The following DENND4A variants were observed in gnomAD, a reference collection of about 807,000 sequenced individuals.
DENND4A encodes the protein DENN domain containing 4A, also known as C-myc promoter-binding protein.
A neutral mutation model predicts 199.3 loss-of-function variants in DENND4A; 70 were observed. The ratio of observed to expected loss-of-function variants is 0.35; its 90% CI spans 0.29 to 0.43. The LOEUF (loss-of-function observed/expected upper bound fraction) is 0.43. DENND4A is among the 20% of genes least tolerant of loss of function. The pLI, the probability that DENND4A is intolerant of heterozygous loss-of-function variation, is 1.00. For synonymous variants in DENND4A, 686 were observed against 766.9 expected, an observed-to-expected ratio of 0.89 and a Z score of 1.74; for missense variants, 1,723 against 2,255.8, an observed-to-expected ratio of 0.76 and a Z score of 4.78.
intron 23 of DENND4A, chr15:65,680,820 A>G (rs2076547640): frequency 6.6e-6 from 1 of 152,218 alleles, no homozygotes; most frequent in African/African-American, 2.4e-5. Context: ...TCTACTGTAC[A>G]ACAGCATTAT....
At position 65,702,440 on chromosome 15, in the gene DENND4A, C is replaced by A. The variant is rs1227111575; in HGVS notation, c.2295G>T (p.Leu765=). ...SIPQMWSRCL[L]RHCYGLWFIC... The stretch of plus-strand genomic sequence containing the variant: ...TAAACCACAGTCCATAACAGTGGCG[C>A]AGTAGACACCTAGACCACATCTGAG... The change falls in exon 17 of 33, where the codon CTG becomes CTT. Residue 765 remains leucine, a synonymous_variant. Coordinates refer to ENST00000443035, the MANE Select transcript of DENND4A (RefSeq NM_001320835.1). 6.3e-7 allele frequency: 1 copy of A among 1,595,496 alleles called. No homozygotes were observed. Among genetic ancestry groups the A allele is most frequent in the Middle Eastern group, 1.7e-4 (1 of 6,048 alleles).
intron 14 of DENND4A, 24 bp from the exon 15 acceptor site, chr15:65,706,248 A>C (rs1336779722): frequency 6.8e-7 from 1 of 1,467,202 alleles, no homozygotes; most frequent in African/African-American, 1.4e-5. Context: ...AAAAACATAT[A>C]TTAAAAAAGC....
intron 14 of DENND4A, among the ~76,000 whole-genome samples, chr15:65,706,562 T>C (rs1364918959): frequency 1.3e-5 from 2 of 151,918 alleles, no homozygotes; most frequent in East Asian, 3.9e-4. Context: ...AGTGGCACGA[T>C]CTCAGCTCAC....
Position 65,691,292 on chromosome 15 carries a change from A to G in DENND4A, c.3302T>C (p.Val1101Ala), listed in dbSNP as rs2076960890. Residue 1101 changes from valine (V) to alanine (A), a missense_variant, in exon 23 of 33, where the codon GTT becomes GCT. Coordinates refer to ENST00000443035, the MANE Select transcript of DENND4A (RefSeq NM_001320835.1). ...INQEATPGDI[V>A]EKLGADAKIL... is the part of the protein sequence containing the mutation. ...TTTTGCATCAGCTCCCAATTTTTCA[A>G]CTATATCTCCAGGGGTTGCTTCCTG... 1 of 1,613,146 alleles carries G rather than the reference A, an allele frequency of 6.2e-7. No individual in the cohort carries two copies. Among genetic ancestry groups the G allele is most frequent in the African/African-American group, 1.3e-5 (1 of 74,852 alleles).
intron 6 of DENND4A, 81 bp from the exon 7 acceptor site, chr15:65,738,026 T>C (rs60590903): frequency 0.067 from 93,219 of 1,394,444 alleles, 3,384 homozygotes; most frequent in African/African-American, 0.092. Flanking sequence ...ATTTAATAAA[T>C]GCTTGCTATG....
chr15:65,717,933 G>C lies in DENND4A; in HGVS notation c.1652C>G (p.Ser551Cys). Residue 551 changes from serine (S) to cysteine (C), a missense_variant, in exon 13 of 33, where the codon TCT (serine) becomes TGT (cysteine). This residue lies in a region of DENND4A where 725 missense variants were observed against 952.9 expected (regional missense o/e 0.76). Transcript: ENST00000443035. ...DLAINDYDFNSGKRLHMIDLE... is the reference protein window; with the variant it reads ...DLAINDYDFNCGKRLHMIDLE... Reference sequence around the variant, plus strand: ...ATCTATCATGTGCAACCTCTTTCCAGAATTAAAATCATAGTCATTTATTGC... The same window carrying C: ...ATCTATCATGTGCAACCTCTTTCCACAATTAAAATCATAGTCATTTATTGC... 6.2e-7 allele frequency: 1 copy of C among 1,609,642 alleles called. No individual in the cohort carries two copies. The highest frequency in any genetic ancestry group is 8.5e-7 in the Non-Finnish European group (1 of 1,177,756).
At chr15:65,753,752 CATCA>C (rs1204579697) in intron 3 of DENND4A, 2 of 151,752 alleles carry the variant, frequency 1.3e-5, no homozygotes, top group Non-Finnish European at 2.9e-5. Context: ...ATGTCTTCAT[CATCA>C]ATCAATATTT....
Position 65,664,379 on chromosome 15 carries a change from T to A in DENND4A, c.5538A>T (p.Glu1846Asp), listed in dbSNP as rs997514130. 6.2e-7 allele frequency: 1 copy of A among 1,603,400 alleles called. No homozygotes were observed. Among genetic ancestry groups the A allele is most frequent in the Non-Finnish European group, 8.5e-7 (1 of 1,173,748 alleles). Residue 1846 changes from glutamate (E) to aspartate (D), a missense_variant, in exon 32 of 33, where the codon GAA becomes GAT. Glu to Asp is a conservative substitution (Grantham distance 45). Transcript: ENST00000443035. ...HFKRQRSLYR[E>D]ILFLSLVALG... is the part of the protein sequence containing the mutation. ...GTGCCACAAGTGAGAGAAATAGTAT[T>A]TCTCTGTATAAACTCCTAGGGAGAA... is the stretch of plus-strand genomic sequence containing the variant.
intron 1 of DENND4A, among the ~76,000 whole-genome samples, chr15:65,777,425 T>C (rs1393942791): frequency 6.6e-6 from 1 of 151,848 alleles, no homozygotes; most frequent in African/African-American, 2.4e-5. Context: ...CGATCTCAGC[T>C]CACTGCAACC....
chr15:65,699,617 CAT>C lies in DENND4A; in HGVS notation c.2833+925_2833+926del, dbSNP rs372743512. ...CATATGTGTATATGTATTATACACA[CAT>C]GTTATACATATACTACTACACATAC... On this transcript the variant is annotated intron_variant, in intron 20 of 32. Transcript: ENST00000443035. Among the ~76,000 whole-genome samples the C allele has an allele frequency of 2.2e-3, 322 of 148,714 alleles. 1 individual carries two copies. Among genetic ancestry groups the C allele is most frequent in the East Asian group, 7.2e-3 (37 of 5,134 alleles).
chr15:65,711,757 T>C (rs1314999011), intron 14 of DENND4A, among the ~76,000 whole-genome samples: 1 of 152,202 alleles, frequency 6.6e-6, no homozygotes, highest in African/African-American at 2.4e-5. Context: ...TCAATAAATT[T>C]GATTTTTAAA....
chr15:65,677,472 G>A (rs924271395), intron 23 of DENND4A, among the ~76,000 whole-genome samples: 1 of 151,892 alleles, frequency 6.6e-6, no homozygotes, highest in Admixed American at 6.6e-5. Context: ...GCCTCCCAAA[G>A]TGCTGGAATT....
In DENND4A at chr15:65,660,076, T is replaced by C; in HGVS notation, c.*1775A>G. The C allele has an allele frequency of 2.1e-6, 1 of 486,816 alleles. No homozygotes were observed. The allele number at this position is 486,816 out of a possible 1,614,324, so 30.2% of individuals were successfully genotyped here. On this transcript the variant is annotated 3_prime_UTR_variant, in exon 33 of 33. Coordinates refer to ENST00000443035, the MANE Select transcript of DENND4A (RefSeq NM_001320835.1). ...CCCCCCTCTGAAATGTTTCTCTCAG[T>C]TGACAACTTTCAAATGATTTAAAGA...
intron 24 of DENND4A, among the ~76,000 whole-genome samples, chr15:65,673,557 A>C (rs1320984795): frequency 6.6e-6 from 1 of 151,760 alleles, no homozygotes; most frequent in Non-Finnish European, 1.5e-5. Flanking sequence ...AACATGTTAA[A>C]CACCACCACC....
At chr15:65,736,430 ATT>A (rs71139429) in intron 7 of DENND4A, among the ~76,000 whole-genome samples, 7 of 137,954 alleles carry the variant, frequency 5.1e-5, no homozygotes, top group South Asian at 2.3e-4. Flanking sequence ...TGGCTTTTGT[ATT>A]TTTTTTTTTT....
At chr15:65,765,397 A>T (rs1302064596) in intron 1 of DENND4A, among the ~76,000 whole-genome samples, 4 of 152,334 alleles carry the variant, frequency 2.6e-5, no homozygotes, top group East Asian at 3.9e-4. Flanking sequence ...TTTAACACAG[A>T]CTTCTTTAAA....
chr15:65,697,270 A>G lies in DENND4A; in HGVS notation c.2947T>C (p.Ser983Pro). 2.6e-6 allele frequency: 4 copies of G among 1,549,152 alleles called. No individual in the cohort carries two copies. The highest frequency in any genetic ancestry group is 3.5e-6 in the Non-Finnish European group (4 of 1,128,126). Residue 983 changes from serine to proline, a missense_variant, in exon 21 of 33, where the codon TCC becomes CCC. This residue lies in a region of DENND4A where 650 missense variants were observed against 738.1 expected (regional missense o/e 0.88). Transcript: ENST00000443035. Reference protein sequence around the residue: ...EKDKKGSDCSSLSESESTKGS... With the variant: ...EKDKKGSDCSPLSESESTKGS... The stretch of plus-strand genomic sequence containing the variant: ...TATCAACTTAAACAATACCTACAGG[A>G]ACTACAATCACTCCCTTTTTTATCT...
chr15:65,728,717 G>A (rs1472190663), intron 11 of DENND4A, among the ~76,000 whole-genome samples: 4 of 151,994 alleles, frequency 2.6e-5, no homozygotes, highest in Admixed American at 2.6e-4. Context: ...TCAAACTCCT[G>A]ACCTCAGGTG....
At chr15:65,751,325 T>G (rs2076555779) in intron 4 of DENND4A, among the ~76,000 whole-genome samples, 1 of 152,218 alleles carries the variant, frequency 6.6e-6, no homozygotes, top group South Asian at 2.1e-4. Flanking sequence ...ACTAGAAGAA[T>G]GGAATTTCCA....
Sources: gnomAD v4.1 joint callset for allele counts (sites outside exome capture counted in the v4.1 genomes callset) on GRCh38, gnomAD v4.1.1 for gene constraint, gnomAD v4.1.1 regional missense constraint, MANE v1.5 for transcripts, NCBI Gene and HGNC (gene_info 2026-07-23, HGNC 2026-07-21) for gene names.